Variants in RAB4B observed in about 807,000 individuals in gnomAD.
RAB4B encodes the protein ras-related protein Rab-4B.
Under a neutral mutation model 28.3 loss-of-function variants are expected in RAB4B, and 15 were observed. That is an observed-to-expected ratio of 0.53 (90% CI 0.35 to 0.82). The LOEUF is 0.82. Ranked by LOEUF, RAB4B falls within the 40% of genes least tolerant of loss-of-function variation. The pLI is 0.01. For synonymous variants in RAB4B, 108 were observed against 116.3 expected (o/e 0.93, Z 0.46); for missense variants, 244 against 288.5 (o/e 0.85, Z 1.12).
At chr19:40,779,849 A>ACTAC in intron 1 of RAB4B, 170 bp from the exon 2 acceptor site, 1 of 1,438,686 alleles carries the variant, frequency 7.0e-7, no homozygotes, top group Non-Finnish European at 9.2e-7. Context: ...CATGGCAAGT[A>ACTAC]CTACATAAGA....
rs781754681 is a variant in RAB4B, at chr19:40,783,808, G to A, written c.243G>A (p.Ala81=). The A allele has an allele frequency of 1.0e-5, 16 of 1,578,650 alleles. No homozygotes were observed. Among genetic ancestry groups the A allele is most frequent in the African/African-American group, 8.1e-5 (6 of 74,148 alleles). Residue 81 remains alanine, a synonymous_variant, in exon 4 of 8, where the codon GCG becomes GCA. Transcript: ENST00000357052. The part of the protein sequence containing the change: ...RSVTRSYYRG[A]AGALLVYDIT... ...TGACGCGGAGTTATTACCGAGGGGC[G>A]GCTGGAGCCCTGCTGGTGTACGACA...
intron 2 of RAB4B, 126 bp from the exon 3 acceptor site, chr19:40,780,259 T>G: frequency 1.4e-6 from 2 of 1,433,820 alleles, no homozygotes; most frequent in Admixed American, 2.4e-5. Context: ...TAGGTTCTCC[T>G]TGACCTCAAG....
At chr19:40,795,340 G>A (rs2145069785) in intron 7 of RAB4B, among the ~76,000 whole-genome samples, 1 of 151,542 alleles carries the variant, frequency 6.6e-6, no homozygotes, top group East Asian at 1.9e-4. Context: ...GAACATAGAG[G>A]GACACAGAAA....
At chr19:40,793,341 T>C (rs2083176286) in intron 7 of RAB4B, among the ~76,000 whole-genome samples, 1 of 151,856 alleles carries the variant, frequency 6.6e-6, no homozygotes, top group South Asian at 2.1e-4. Flanking sequence ...CTCAAGTGTT[T>C]CTCCCACCTC....
In RAB4B at chr19:40,786,867, G is replaced by T; in HGVS notation, c.546G>T (p.Arg182Ser). 6.2e-7 allele frequency: 1 copy of T among 1,614,138 alleles called. No individual in the cohort carries two copies. ...CCACAGGCGAGCTAGACCCGGAGAG[G>T]ATGGGCTCTGGCATTCAGTACGGGG... is the stretch of plus-strand genomic sequence containing the variant. ...KIDSGELDPE[R>S]MGSGIQYGDA... Residue 182 changes from arginine to serine, a missense_variant, in exon 7 of 8, where the codon AGG (arginine) becomes AGT (serine). Transcript: ENST00000357052.
At chr19:40,794,645 G>A (rs2083191115) in intron 7 of RAB4B, 2 of 152,044 alleles carry the variant, frequency 1.3e-5, no homozygotes, top group African/African-American at 4.8e-5. Flanking sequence ...CCCCACCAAG[G>A]CAGTGACACA....
chr19:40,786,482 A>T (rs772199124), intron 5 of RAB4B, 183 bp from the exon 6 acceptor site: 9 of 820,644 alleles, frequency 1.1e-5, no homozygotes, highest in Non-Finnish European at 1.7e-5. Context: ...GCTCTGAAGG[A>T]AGAGCTGGGT....
At chr19:40,778,608 C>T (rs777539305) in intron 1 of RAB4B, among the ~76,000 whole-genome samples, 1 of 151,602 alleles carries the variant, frequency 6.6e-6, no homozygotes. Context: ...AGATCTGGGG[C>T]GGGATTTGAG....
At chr19:40,794,997 CAAAAAAAA>C (rs59417778) in intron 7 of RAB4B, among the ~76,000 whole-genome samples, 31 of 99,904 alleles carry the variant, frequency 3.1e-4, no homozygotes, top group African/African-American at 1.3e-3. Flanking sequence ...ACTAAAAATA[CAAAAAAAA>C]AAAAAAAAAA....
Position 40,786,980 on chromosome 19 carries a change from T to G in RAB4B, c.*15+2T>G. 2 of 1,611,480 alleles carry G rather than the reference T, an allele frequency of 1.2e-6. No homozygotes were observed. Among genetic ancestry groups the G allele is most frequent in the Non-Finnish European group, 1.7e-6 (2 of 1,178,262 alleles). Reference sequence around the variant, plus strand: ...GGCTGCTGAGCTCTGTGGAGCCAGGTGGGACACTGGGGGCTTTAGGGAGGC... The same window carrying G: ...GGCTGCTGAGCTCTGTGGAGCCAGGGGGGACACTGGGGGCTTTAGGGAGGC... On this transcript the variant is annotated splice_donor_variant, in intron 7 of 7. Coordinates refer to ENST00000357052, the MANE Select transcript of RAB4B (RefSeq NM_016154.5). LOFTEE classifies it low-confidence loss of function (3UTR_SPLICE).
At chr19:40,781,312 G>A (rs542514122) in intron 3 of RAB4B, among the ~76,000 whole-genome samples, 42 of 144,406 alleles carry the variant, frequency 2.9e-4, no homozygotes, top group East Asian at 1.4e-3. Context: ...ATAAATAAAT[G>A]AATAAATAAA....
intron 1 of RAB4B, among the ~76,000 whole-genome samples, chr19:40,778,654 G>A (rs1325156387): frequency 6.6e-6 from 1 of 152,176 alleles, no homozygotes; most frequent in Non-Finnish European, 1.5e-5. Flanking sequence ...AGGCCCTGAG[G>A]GAAGAGGTGG....
intron 3 of RAB4B, among the ~76,000 whole-genome samples, chr19:40,781,127 A>T (rs1443113344): frequency 1.3e-5 from 2 of 149,978 alleles, no homozygotes; most frequent in Admixed American, 1.3e-4. Context: ...AAAAAAAAAA[A>T]AAAAAAAAAT....
At chr19:40,794,307 C>T (rs1253326623) in intron 7 of RAB4B, among the ~76,000 whole-genome samples, 1 of 152,072 alleles carries the variant, frequency 6.6e-6, no homozygotes, top group Non-Finnish European at 1.5e-5. Context: ...AAACTCCTGA[C>T]CTCAGGTGAT....
Position 40,781,630 on chromosome 19 carries a change from G to T in RAB4B, c.212+1131G>T, listed in dbSNP as rs77510272. On this transcript the variant is annotated intron_variant, in intron 3 of 7. Coordinates refer to ENST00000357052, the MANE Select transcript of RAB4B (RefSeq NM_016154.5). ...CCAAAAGAGAGATGGAGAAATGGAC[G>T]TGTTGTGGGAGAGAGAGAGAGAGAA... Among the ~76,000 whole-genome samples, 140 of 152,074 alleles carry T rather than the reference G, an allele frequency of 9.2e-4. 3 individuals carry two copies. The East Asian group carries it at 0.026, about 28-fold the overall frequency.
In RAB4B at chr19:40,786,879, C is replaced by T. The variant is rs749670588; in HGVS notation, c.558C>T (p.Gly186=). 3.7e-6 allele frequency: 6 copies of T among 1,614,032 alleles called. No individual in the cohort carries two copies. In the African/African-American group the frequency reaches 8.0e-5, roughly 22 times the overall value. Residue 186 remains glycine (G), a synonymous_variant, in exon 7 of 8, where the codon GGC becomes GGT. Coordinates refer to ENST00000357052, the MANE Select transcript of RAB4B (RefSeq NM_016154.5). ...GELDPERMGS[G]IQYGDASLRQ... ...TAGACCCGGAGAGGATGGGCTCTGG[C>T]ATTCAGTACGGGGATGCGTCCCTCC...
At chr19:40,786,310 TG>T in intron 5 of RAB4B, 1 of 310,788 alleles carries the variant, frequency 3.2e-6, no homozygotes, top group Non-Finnish European at 6.1e-6. Context: ...AGGGGTGGGA[TG>T]GGGACCCAGG....
In RAB4B at chr19:40,783,758, G is replaced by A; in HGVS notation, c.213-20G>A. ...GCAGACCCCAGCCTTGGGGGTGACT[G>A]GGTCCCCCTGGCCCCACAGGTCAGT... On this transcript the variant is annotated intron_variant, in intron 3 of 7. Coordinates refer to ENST00000357052, the MANE Select transcript of RAB4B (RefSeq NM_016154.5). The A allele has an allele frequency of 1.9e-6, 3 of 1,540,560 alleles. No individual in the cohort carries two copies. The highest frequency in any genetic ancestry group is 2.6e-6 in the Non-Finnish European group (3 of 1,141,360).
rs1330846974 is a variant in RAB4B, at chr19:40,787,025, G to A, written c.*15+47G>A. 5.4e-6 allele frequency: 8 copies of A among 1,474,554 alleles called. No homozygotes were observed. In the East Asian group the frequency reaches 1.9e-4, roughly 34 times the overall value. 91.3% of individuals were successfully genotyped at this position (1,474,554 alleles called of 1,614,324 possible). A position where few individuals can be genotyped will look rare whatever the true frequency, so the allele number is the denominator to read the frequency against. On this transcript the variant is annotated intron_variant, in intron 7 of 7. Transcript: ENST00000357052. ...GGAGGCAGGGCGGCCTCTTGGGCATGGGGGAGATGGTGTGGAGATAGACAC... is the reference window on the plus strand; with the variant it reads ...GGAGGCAGGGCGGCCTCTTGGGCATAGGGGAGATGGTGTGGAGATAGACAC...
Sources: gnomAD v4.1 joint callset for allele counts (sites outside exome capture counted in the v4.1 genomes callset) on GRCh38, gnomAD v4.1.1 for gene constraint, MANE v1.5 for transcripts, NCBI Gene and HGNC (gene_info 2026-07-23, HGNC 2026-07-21) for gene names.